The following MB21D2 variants were observed in gnomAD, a reference collection of about 807,000 sequenced individuals.
MB21D2 encodes nucleotidyltransferase MB21D2.
MB21D2 carries 9 observed loss-of-function variants against 33.3 expected under a neutral mutation model. That is an observed-to-expected ratio of 0.27 (90% CI 0.16 to 0.47). MB21D2 has a LOEUF of 0.47. Among genes scored for constraint, MB21D2 ranks in the 20% least tolerant of loss-of-function variants. MB21D2 has a pLI of 0.99. For synonymous variants in MB21D2, 241 were observed against 236.3 expected, an observed-to-expected ratio of 1.02 and a Z score of -0.18; for missense variants, 540 against 624.6, an observed-to-expected ratio of 0.86 and a Z score of 1.44.
chr3:192,879,237 T>C (rs1243129211), intron 1 of MB21D2, among the ~76,000 whole-genome samples: 1 of 152,220 alleles, frequency 6.6e-6, no homozygotes, highest in Non-Finnish European at 1.5e-5. Context: ...CCAGCGGTAC[T>C]TTATAATAAA....
At chr3:192,848,634 C>T (rs1469785791) in intron 1 of MB21D2, among the ~76,000 whole-genome samples, 1 of 152,206 alleles carries the variant, frequency 6.6e-6, no homozygotes, top group Non-Finnish European at 1.5e-5. Context: ...TGAATAAAAC[C>T]TTGTGAAATG....
chr3:192,820,626 A>T (rs2108616100), intron 1 of MB21D2, among the ~76,000 whole-genome samples: 1 of 152,372 alleles, frequency 6.6e-6, no homozygotes, highest in African/African-American at 2.4e-5. Context: ...GACTGTGTCA[A>T]ATATTCCTCC....
intron 1 of MB21D2, among the ~76,000 whole-genome samples, chr3:192,879,629 G>A (rs557895993): frequency 3.3e-5 from 5 of 152,338 alleles, no homozygotes; most frequent in South Asian, 2.1e-4. Flanking sequence ...GAAGCAGGGA[G>A]GGGCAGAGAA....
intron 1 of MB21D2, among the ~76,000 whole-genome samples, chr3:192,883,856 A>T (rs1235557065): frequency 6.6e-6 from 1 of 152,118 alleles, no homozygotes. Flanking sequence ...GAGACATCTC[A>T]CTGCCAGAAA....
chr3:192,887,314 T>C (rs1713753602), intron 1 of MB21D2, among the ~76,000 whole-genome samples: 2 of 152,118 alleles, frequency 1.3e-5, no homozygotes, highest in African/African-American at 4.8e-5. Flanking sequence ...TTGTTAACTT[T>C]TCTTGAAGAG....
chr3:192,916,847 C>T (rs1577206961), intron 1 of MB21D2, among the ~76,000 whole-genome samples: 3 of 152,314 alleles, frequency 2.0e-5, no homozygotes, highest in Admixed American at 2.0e-4. Context: ...CTCTGGGCAC[C>T]TCTTTCGGCC....
chr3:192,846,512 A>C (rs1294848758), intron 1 of MB21D2, among the ~76,000 whole-genome samples: 1 of 152,166 alleles, frequency 6.6e-6, no homozygotes, highest in Admixed American at 6.5e-5. Flanking sequence ...TCACATGTAC[A>C]TAAACAAATC....
intron 1 of MB21D2, among the ~76,000 whole-genome samples, chr3:192,811,062 G>A (rs1711778598): frequency 6.6e-6 from 1 of 152,158 alleles, no homozygotes; most frequent in African/African-American, 2.4e-5. Context: ...TCTCTCTCCA[G>A]CCACTGCCAG....
intron 1 of MB21D2, among the ~76,000 whole-genome samples, chr3:192,910,138 C>G (rs1253421834): frequency 1.3e-5 from 2 of 150,978 alleles, no homozygotes; most frequent in Admixed American, 6.6e-5. Flanking sequence ...TCGGAGGTCA[C>G]CAATGTGAGA....
chr3:192,911,718 TAGG>T (rs1714361973), intron 1 of MB21D2, among the ~76,000 whole-genome samples: 1 of 152,170 alleles, frequency 6.6e-6, no homozygotes, highest in Admixed American at 6.5e-5. Context: ...TCGACAGTTC[TAGG>T]CCTCTTCTCT....
At chr3:192,856,571 C>T (rs1267547404) in intron 1 of MB21D2, among the ~76,000 whole-genome samples, 2 of 151,818 alleles carry the variant, frequency 1.3e-5, no homozygotes, top group African/African-American at 4.8e-5. Context: ...TTTTTTTTCT[C>T]TTAAGACAGT....
chr3:192,905,314 C>T (rs1312766950), intron 1 of MB21D2, among the ~76,000 whole-genome samples: 2 of 152,096 alleles, frequency 1.3e-5, no homozygotes, highest in African/African-American at 4.8e-5. Context: ...GGCAACATGG[C>T]GAGATCCTGT....
intron 1 of MB21D2, among the ~76,000 whole-genome samples, chr3:192,853,569 A>T (rs1004426388): frequency 1.3e-5 from 2 of 152,218 alleles, no homozygotes; most frequent in Non-Finnish European, 2.9e-5. Flanking sequence ...TCAATGACCC[A>T]AACAGAAAAA....
At chr3:192,820,244 C>T (rs1712014434) in intron 1 of MB21D2, among the ~76,000 whole-genome samples, 1 of 152,044 alleles carries the variant, frequency 6.6e-6, no homozygotes, top group Non-Finnish European at 1.5e-5. Context: ...ACAGATTTCT[C>T]TAAAATTTAT....
chr3:192,842,268 T>G (rs1712590683), intron 1 of MB21D2, among the ~76,000 whole-genome samples: 1 of 152,226 alleles, frequency 6.6e-6, no homozygotes, highest in Admixed American at 6.5e-5. Context: ...CGTTGAACAC[T>G]GGCCTCCCAC....
Position 192,799,435 on chromosome 3 carries a change from A to G in MB21D2, c.427T>C (p.Leu143=). 6.2e-7 allele frequency: 1 copy of G among 1,614,248 alleles called. No individual in the cohort carries two copies. Among genetic ancestry groups the G allele is most frequent in the Non-Finnish European group, 8.5e-7 (1 of 1,180,042 alleles). ...CGAAGGCTCAGCCAAGAGTGGCACAAGGCTGAGTGGCGCATGTCGAGTGTC... is the reference window on the plus strand; with the variant it reads ...CGAAGGCTCAGCCAAGAGTGGCACAGGGCTGAGTGGCGCATGTCGAGTGTC... ...PVTLDMRHSA[L]CHSWLSLRLF... The change falls in exon 2 of 2, where the codon TTG becomes CTG. Residue 143 remains leucine, a synonymous_variant. Coordinates refer to ENST00000392452, the MANE Select transcript of MB21D2 (RefSeq NM_178496.4). This position sits in a 1 kb window ranked among gnomAD's most constrained non-coding sequence, Gnocchi z 4.1.
chr3:192,826,196 C>A (rs1207969452), intron 1 of MB21D2, among the ~76,000 whole-genome samples: 1 of 152,214 alleles, frequency 6.6e-6, no homozygotes, highest in African/African-American at 2.4e-5. Context: ...TAACATTTAT[C>A]ATATTCTCCA....
chr3:192,878,772 T>C (rs1237990202), intron 1 of MB21D2, among the ~76,000 whole-genome samples: 1 of 152,192 alleles, frequency 6.6e-6, no homozygotes, highest in Non-Finnish European at 1.5e-5. Context: ...GAGATCAGCC[T>C]GGCCAACGTC....
intron 1 of MB21D2, among the ~76,000 whole-genome samples, chr3:192,843,981 C>A (rs897403342): frequency 6.6e-6 from 1 of 152,164 alleles, no homozygotes; most frequent in Non-Finnish European, 1.5e-5. Context: ...CTCCCAGCCC[C>A]GGAACTCCCA....
Sources: gnomAD v4.1 joint callset for allele counts (sites outside exome capture counted in the v4.1 genomes callset) on GRCh38, gnomAD v4.1.1 for gene constraint, Gnocchi (gnomAD v3.1) non-coding constraint, MANE v1.5 for transcripts, NCBI Gene and HGNC (gene_info 2026-07-23, HGNC 2026-07-21) for gene names.